ADCY9: variants seen among roughly 807,000 people sequenced by gnomAD.
ADCY9 encodes the protein adenylate cyclase 9, also known as adenylate cyclase type 9.
In ADCY9, 50 loss-of-function variants were observed where a neutral mutation model predicts 101.5. That is an observed-to-expected ratio of 0.49 (90% confidence interval 0.39 to 0.62). The LOEUF (loss-of-function observed/expected upper bound fraction) is 0.62, where lower values mean the gene tolerates loss of function less well. ADCY9 is among the 20% of genes least tolerant of loss of function. The pLI is 0.00. For missense variants in ADCY9, 1,662 were observed against 1,800.4 expected (o/e 0.92, Z 1.39); for synonymous variants, 905 against 769.3 (o/e 1.18, Z -2.92).
chr16:4,019,505 C>T (rs763436873), intron 2 of ADCY9, among the ~76,000 whole-genome samples: 4 of 152,208 alleles, frequency 2.6e-5, no homozygotes, highest in South Asian at 4.1e-4. Context: ...TGCCCAAGCA[C>T]GAGAGGAGGG....
chr16:4,095,901 C>T (rs1051731038), intron 2 of ADCY9, among the ~76,000 whole-genome samples: 1 of 147,172 alleles, frequency 6.8e-6, no homozygotes, highest in Non-Finnish European at 1.5e-5. Context: ...CACTTGAACC[C>T]AGGAGGCGGA....
intron 2 of ADCY9, among the ~76,000 whole-genome samples, chr16:4,019,920 A>T (rs990230160): frequency 1.1e-4 from 16 of 152,168 alleles, no homozygotes; most frequent in African/African-American, 3.4e-4. Flanking sequence ...TCCACTAAAA[A>T]TACAAAAATT....
intron 7 of ADCY9, among the ~76,000 whole-genome samples, chr16:3,980,753 A>C (rs1266917524): frequency 6.6e-6 from 1 of 152,364 alleles, no homozygotes; most frequent in Non-Finnish European, 1.5e-5. Context: ...ACTTCCAAGA[A>C]TAACCACAAA....
chr16:4,064,443 G>C (rs1312745982), intron 2 of ADCY9, among the ~76,000 whole-genome samples: 1 of 152,038 alleles, frequency 6.6e-6, no homozygotes, highest in Non-Finnish European at 1.5e-5. Flanking sequence ...CTTCACTTTT[G>C]TTTATGTTTG....
chr16:4,113,917 A>G lies in ADCY9; in HGVS notation c.1526T>C (p.Val509Ala). The G allele has an allele frequency of 6.2e-7, 1 of 1,614,176 alleles. No homozygotes were observed. The highest frequency in any genetic ancestry group is 1.1e-5 in the South Asian group (1 of 91,086). ...GGCCAGGTTCACATCGTTGGACCAC[A>G]CGTCAAATTTAAACCTCCTCATGCC... ...ILGMRRFKFD[V>A]WSNDVNLANL... is the part of the protein sequence containing the mutation. Residue 509 changes from valine (V) to alanine (A), a missense_variant, in exon 2 of 11, where the codon GTG becomes GCG. Coordinates refer to ENST00000294016, the MANE Select transcript of ADCY9 (RefSeq NM_001116.4).
At position 4,090,631 on chromosome 16, in the gene ADCY9, G is replaced by A. The variant is rs911877738; in HGVS notation, c.1693+23119C>T. ...CTCACTCGACCCCACGGAAACCAGA[G>A]GGAAGCCTAATTTTATCACGCTGTA... On this transcript the variant is annotated intron_variant, in intron 2 of 10. Coordinates refer to ENST00000294016, the MANE Select transcript of ADCY9 (RefSeq NM_001116.4). 3.3e-5 allele frequency among the ~76,000 whole-genome samples: 5 copies of A among 152,014 alleles called. No homozygotes were observed. In the East Asian group the frequency reaches 5.8e-4, roughly 18 times the overall value.
chr16:3,998,376 AC>A (rs1269263031), intron 3 of ADCY9, among the ~76,000 whole-genome samples: 3 of 152,094 alleles, frequency 2.0e-5, no homozygotes, highest in African/African-American at 7.2e-5. Context: ...ATGCCACTGT[AC>A]TGCAGACTGG....
intron 2 of ADCY9, among the ~76,000 whole-genome samples, chr16:4,054,655 A>C (rs2601826): frequency 1 from 151,602 of 151,878 alleles, 75,663 homozygotes; most frequent in Non-Finnish European, 1. Context: ...ACTGCAAGCT[A>C]CGCCTCCCGG....
chr16:4,059,814 C>G (rs1240750305), intron 2 of ADCY9, among the ~76,000 whole-genome samples: 1 of 152,220 alleles, frequency 6.6e-6, no homozygotes, highest in East Asian at 1.9e-4. Flanking sequence ...GGGAAAATCT[C>G]TTGAGCCTGG....
chr16:4,034,235 C>T (rs1045228712), intron 2 of ADCY9, among the ~76,000 whole-genome samples: 2 of 152,162 alleles, frequency 1.3e-5, no homozygotes, highest in Non-Finnish European at 1.5e-5. Flanking sequence ...TGACGCAAAA[C>T]GAACTCACTA....
At chr16:3,993,275 C>G (rs992899144) in intron 4 of ADCY9, 131 bp downstream of exon 4, 84 of 1,463,352 alleles carry the variant, frequency 5.7e-5, no homozygotes, top group Non-Finnish European at 7.3e-5. Context: ...CCCGGAGGAC[C>G]CGCGGGTGCG....
chr16:4,020,831 A>AG, intron 2 of ADCY9, among the ~76,000 whole-genome samples: 1 of 151,986 alleles, frequency 6.6e-6, no homozygotes, highest in East Asian at 1.9e-4. Flanking sequence ...GTCTCAAAAA[A>AG]AAAAAAAGAA....
chr16:4,052,375 T>G (rs2056707325), intron 2 of ADCY9, among the ~76,000 whole-genome samples: 1 of 152,074 alleles, frequency 6.6e-6, no homozygotes, highest in East Asian at 1.9e-4. Flanking sequence ...CGGGACAGCG[T>G]CCTTGTTTTT....
chr16:4,007,512 G>A lies in ADCY9; in HGVS notation c.1740C>T (p.Arg580=), dbSNP rs753494465. ...LISGQRAKES[R]CSCAEALLSG... ...AAAGCAAGGCCTCTGCACAGCTGCA[G>A]CGAGACTCCTTGGCTCTCTGACCCG... is the stretch of plus-strand genomic sequence containing the variant. The change falls in exon 3 of 11, where the codon CGC becomes CGT. Residue 580 remains arginine, a synonymous_variant. Transcript: ENST00000294016. 1.2e-6 allele frequency: 2 copies of A among 1,613,734 alleles called. No individual in the cohort carries two copies. Among genetic ancestry groups the A allele is most frequent in the Non-Finnish European group, 1.7e-6 (2 of 1,179,922 alleles).
chr16:4,047,925 G>A (rs895363629), intron 2 of ADCY9, among the ~76,000 whole-genome samples: 1 of 152,148 alleles, frequency 6.6e-6, no homozygotes, highest in Non-Finnish European at 1.5e-5. Flanking sequence ...AGGTAGCCAC[G>A]AAGCATCTGG....
In ADCY9 at chr16:3,964,111, A is replaced by G. The variant is rs969978938; in HGVS notation, c.*1664T>C. On this transcript the variant is annotated 3_prime_UTR_variant, in exon 11 of 11. Coordinates refer to ENST00000294016, the MANE Select transcript of ADCY9 (RefSeq NM_001116.4). ...CTTCATGCCGGGGAGGGCAATCTGT[A>G]TGTCTCTGGGGAGGAGTAGTGATGA... 1 of 152,252 alleles carries G rather than the reference A, an allele frequency of 6.6e-6. No homozygotes were observed. The highest frequency in any genetic ancestry group is 1.5e-5 in the Non-Finnish European group (1 of 68,074). The allele number at this position is 152,252 out of a possible 1,614,324, so 9.4% of individuals were successfully genotyped here.
chr16:3,986,337 C>T (rs4786451), intron 6 of ADCY9, among the ~76,000 whole-genome samples: 3 of 152,106 alleles, frequency 2.0e-5, no homozygotes, highest in Non-Finnish European at 2.9e-5. Flanking sequence ...TCCTCCCCAC[C>T]GGGACCCTGT....
chr16:4,064,526 A>G (rs1179474562), intron 2 of ADCY9, among the ~76,000 whole-genome samples: 2 of 152,138 alleles, frequency 1.3e-5, no homozygotes, highest in Non-Finnish European at 2.9e-5. Context: ...GGGCTGGAGT[A>G]CAATGGCACA....
At chr16:3,990,575 G>A (rs1027628151) in intron 5 of ADCY9, among the ~76,000 whole-genome samples, 2 of 151,998 alleles carry the variant, frequency 1.3e-5, no homozygotes, top group African/African-American at 2.4e-5. Context: ...GCAGCACGGC[G>A]GACACTCTCC....
Sources: allele counts gnomAD v4.1 joint callset (sites outside exome capture counted in the v4.1 genomes callset), GRCh38; gene constraint gnomAD v4.1.1; transcripts MANE v1.5; gene names NCBI Gene and HGNC (gene_info 2026-07-23, HGNC 2026-07-21).